STK32B: variants seen among roughly 807,000 people sequenced by gnomAD.
The protein encoded by STK32B is serine/threonine kinase 32B, also known as serine/threonine-protein kinase 32B.
Under a neutral mutation model 52.6 loss-of-function variants are expected in STK32B, and 43 were observed. The ratio of observed to expected loss-of-function variants is 0.82; its 90% CI spans 0.64 to 1.05. STK32B has a LOEUF of 1.05. STK32B is among the 50% of genes least tolerant of loss of function. The pLI, the probability that STK32B is intolerant of heterozygous loss-of-function variation, is 0.00. For missense variants in STK32B, 621 were observed against 534.6 expected (o/e 1.16, Z -1.59); for synonymous variants, 238 against 204.3 (o/e 1.17, Z -1.41).
At chr4:5,341,849 C>T (rs933001933) in intron 4 of STK32B, among the ~76,000 whole-genome samples, 1 of 151,992 alleles carries the variant, frequency 6.6e-6, no homozygotes, top group Non-Finnish European at 1.5e-5. Flanking sequence ...GTGCTATACA[C>T]TTTTTTTTAA....
rs62297317 is a variant in STK32B at position 5,378,727 on chromosome 4, C to G, written c.435-19480C>G. 1.3e-5 allele frequency among the ~76,000 whole-genome samples: 2 copies of G among 152,030 alleles called. No individual in the cohort carries two copies. The highest frequency in any genetic ancestry group is 6.5e-5 in the Admixed American group (1 of 15,276). On this transcript the variant is annotated intron_variant, in intron 4 of 11. Coordinates refer to ENST00000282908, the MANE Select transcript of STK32B (RefSeq NM_018401.3). The surrounding 1 kb of genome is among the most constrained non-coding windows in gnomAD (Gnocchi z 4.4). ...AGAATGGACTCTGCATTTTAGTCAG[C>G]ACACCTGCTGCTGGTTGGTGGAAAT... is the stretch of plus-strand genomic sequence containing the variant.
At chr4:5,490,403 G>A (rs1424647038) in intron 11 of STK32B, among the ~76,000 whole-genome samples, 1 of 152,090 alleles carries the variant, frequency 6.6e-6, no homozygotes, top group African/African-American at 2.4e-5. Context: ...CACCACGCCT[G>A]GCCTGTTAGG....
intron 8 of STK32B, among the ~76,000 whole-genome samples, chr4:5,459,039 C>T (rs1716807177): frequency 6.6e-6 from 1 of 152,218 alleles, no homozygotes; most frequent in Admixed American, 6.5e-5. Flanking sequence ...TTCAGAACAG[C>T]TGCCCTGAAC....
intron 3 of STK32B, among the ~76,000 whole-genome samples, chr4:5,205,264 A>G (rs1488240715): frequency 6.6e-6 from 1 of 152,138 alleles, no homozygotes; most frequent in African/African-American, 2.4e-5. Flanking sequence ...GAATCACAAC[A>G]CTAGCTTTTC....
intron 5 of STK32B, among the ~76,000 whole-genome samples, chr4:5,414,992 A>C (rs1351828473): frequency 6.6e-6 from 1 of 152,214 alleles, no homozygotes; most frequent in African/African-American, 2.4e-5. Context: ...TCTGTTTGGA[A>C]CTGTGTGGGT....
chr4:5,421,627 C>G (rs1712657480), intron 6 of STK32B, among the ~76,000 whole-genome samples: 1 of 152,174 alleles, frequency 6.6e-6, no homozygotes. Flanking sequence ...CTGGGGCTTC[C>G]TGACCTTGCT....
rs956355516 is a variant in STK32B, at chr4:5,396,061, C to G, written c.435-2146C>G. Reference sequence around the variant, plus strand: ...CCCTCAACTCTATCAGCTCTCCTTCCACCGTGCCAGTTGTGTTAGCTTCCG... The same window carrying G: ...CCCTCAACTCTATCAGCTCTCCTTCGACCGTGCCAGTTGTGTTAGCTTCCG... On this transcript the variant is annotated intron_variant, in intron 4 of 11. Coordinates refer to ENST00000282908, the MANE Select transcript of STK32B (RefSeq NM_018401.3). The surrounding 1 kb of genome is among the most constrained non-coding windows in gnomAD (Gnocchi z 4.7). Among the ~76,000 whole-genome samples, 1 of 152,248 alleles carries G rather than the reference C, an allele frequency of 6.6e-6. No individual in the cohort carries two copies. The highest frequency in any genetic ancestry group is 1.5e-5 in the Non-Finnish European group (1 of 68,044).
rs774348245 is a variant in STK32B, at chr4:5,453,572, T to C, written c.667-3235T>C. Among the ~76,000 whole-genome samples, 2 of 152,008 alleles carry C rather than the reference T, an allele frequency of 1.3e-5. No individual in the cohort carries two copies. The highest frequency in any genetic ancestry group is 2.9e-5 in the Non-Finnish European group (2 of 68,002). On this transcript the variant is annotated intron_variant, in intron 7 of 11. Transcript: ENST00000282908. This position sits in a 1 kb window ranked among gnomAD's most constrained non-coding sequence, Gnocchi z 4.0. ...TGGGACTGTTTTGGGCAGAACTGTT[T>C]ATTGAAAAGCAAAAAAGACAGGAAG...
intron 6 of STK32B, among the ~76,000 whole-genome samples, chr4:5,440,700 C>T (rs1190361124): frequency 1.3e-5 from 2 of 152,182 alleles, no homozygotes; most frequent in East Asian, 1.9e-4. Flanking sequence ...AAAGGAAATG[C>T]TTCCAGTTTT....
chr4:5,338,152 T>C (rs897245515), intron 4 of STK32B, among the ~76,000 whole-genome samples: 1 of 152,190 alleles, frequency 6.6e-6, no homozygotes, highest in Non-Finnish European at 1.5e-5. Context: ...AAGAAAGTGA[T>C]AGGGATTGTT....
At chr4:5,369,503 A>G (rs1316385386) in intron 4 of STK32B, among the ~76,000 whole-genome samples, 1 of 152,128 alleles carries the variant, frequency 6.6e-6, no homozygotes, top group African/African-American at 2.4e-5. Flanking sequence ...GACAGAATGC[A>G]AATCATCAGT....
chr4:5,437,421 C>G (rs1297676072), intron 6 of STK32B, among the ~76,000 whole-genome samples: 2 of 152,210 alleles, frequency 1.3e-5, no homozygotes, highest in African/African-American at 4.8e-5. Flanking sequence ...CCGCATTGCC[C>G]TGATCTGCCT....
At chr4:5,031,734 G>T in the STK32B span, among the ~76,000 whole-genome samples, 1 of 152,168 alleles carries the variant, frequency 6.6e-6, no homozygotes, top group African/African-American at 2.4e-5. Flanking sequence ...CCCAAATGTG[G>T]GTTCATGGGC....
intron 3 of STK32B, among the ~76,000 whole-genome samples, chr4:5,317,058 ATGATATAATATATTATATATTAT>A (rs1731001735): frequency 2.6e-5 from 1 of 37,862 alleles, no homozygotes; most frequent in African/African-American, 1.7e-4. Flanking sequence ...TATAATATAT[ATGATATAATATATTATATATTAT>A]ATATATAATA....
At chr4:5,363,610 T>G (rs944803332) in intron 4 of STK32B, among the ~76,000 whole-genome samples, 7 of 152,234 alleles carry the variant, frequency 4.6e-5, no homozygotes, top group South Asian at 2.1e-4. Flanking sequence ...CACAATAGAA[T>G]GACTTTTAGA....
At chr4:5,026,121 A>G in the STK32B span, among the ~76,000 whole-genome samples, 2 of 152,194 alleles carry the variant, frequency 1.3e-5, no homozygotes, top group African/African-American at 4.8e-5. Context: ...TTGCTTAAGT[A>G]CCTTCTGTTT....
intron 3 of STK32B, among the ~76,000 whole-genome samples, chr4:5,250,895 T>A (rs569852727): frequency 6.6e-6 from 1 of 152,326 alleles, no homozygotes; most frequent in Non-Finnish European, 1.5e-5. Flanking sequence ...CTTTGCCCAC[T>A]TTTTAATGGG....
intron 1 of STK32B, among the ~76,000 whole-genome samples, chr4:5,092,478 G>A (rs1243850142): frequency 1.3e-5 from 2 of 150,680 alleles, no homozygotes; most frequent in Non-Finnish European, 2.9e-5. Flanking sequence ...CTTGCAGTGA[G>A]CCTCTGAGAT....
At chr4:5,479,079 T>C (rs1241346199) in intron 11 of STK32B, among the ~76,000 whole-genome samples, 1 of 151,690 alleles carries the variant, frequency 6.6e-6, no homozygotes, top group Non-Finnish European at 1.5e-5. Flanking sequence ...TCTTTTTCTT[T>C]GTTCTTGTTT....
Sources: gnomAD v4.1 joint callset for allele counts (sites outside exome capture counted in the v4.1 genomes callset) on GRCh38, gnomAD v4.1.1 for gene constraint, Gnocchi (gnomAD v3.1) non-coding constraint, MANE v1.5 for transcripts, NCBI Gene and HGNC (gene_info 2026-07-23, HGNC 2026-07-21) for gene names.